SMURF1: variants seen among roughly 807,000 people sequenced by gnomAD.
SMURF1 encodes E3 ubiquitin-protein ligase SMURF1.
Under a neutral mutation model 98.0 loss-of-function variants are expected in SMURF1, and 44 were observed. The ratio of observed to expected loss-of-function variants is 0.45; its 90% CI spans 0.35 to 0.58. The LOEUF (loss-of-function observed/expected upper bound fraction) is 0.58. Ranked by LOEUF, SMURF1 falls within the 20% of genes least tolerant of loss-of-function variation. SMURF1 has a pLI of 0.00. For synonymous variants in SMURF1, 396 were observed against 374.9 expected (o/e 1.06, Z -0.65); for missense variants, 687 against 938.4 (o/e 0.73, Z 3.50).
At chr7:99,117,522 T>G (rs1436855824) in intron 1 of SMURF1, among the ~76,000 whole-genome samples, 1 of 151,790 alleles carries the variant, frequency 6.6e-6, no homozygotes, top group Non-Finnish European at 1.5e-5. Flanking sequence ...CTAATTTTTT[T>G]GTATTTTTAG....
chr7:99,117,525 A>G (rs980042302), intron 1 of SMURF1, among the ~76,000 whole-genome samples: 5 of 151,374 alleles, frequency 3.3e-5, no homozygotes, highest in Non-Finnish European at 7.4e-5. Flanking sequence ...ATTTTTTTGT[A>G]TTTTTAGTAG....
At chr7:99,094,128 A>C (rs1387222053) in intron 1 of SMURF1, among the ~76,000 whole-genome samples, 1 of 152,184 alleles carries the variant, frequency 6.6e-6, no homozygotes, top group East Asian at 1.9e-4. Context: ...ATTTTAGGGA[A>C]CCAAACCAAA....
At chr7:99,083,088 A>G (rs1796604762) in intron 1 of SMURF1, among the ~76,000 whole-genome samples, 1 of 152,130 alleles carries the variant, frequency 6.6e-6, no homozygotes, top group Non-Finnish European at 1.5e-5. Context: ...CATAACAGCT[A>G]AGGGATACAT....
intron 11 of SMURF1, 106 bp downstream of exon 11, chr7:99,045,592 C>T: frequency 1.1e-6 from 1 of 882,666 alleles, no homozygotes; most frequent in Non-Finnish European, 1.8e-6. Context: ...GAGACATCAG[C>T]CCTGCCCAGG....
chr7:99,065,710 C>T (rs1196043166), intron 1 of SMURF1, among the ~76,000 whole-genome samples: 1 of 152,200 alleles, frequency 6.6e-6, no homozygotes, highest in Non-Finnish European at 1.5e-5. Context: ...ACCTAGTCCT[C>T]TCCCAGGATC....
At chr7:99,100,604 C>T (rs564193069) in intron 1 of SMURF1, among the ~76,000 whole-genome samples, 10 of 152,168 alleles carry the variant, frequency 6.6e-5, no homozygotes, top group Non-Finnish European at 1.3e-4. Context: ...GTTCAGAATT[C>T]TCAGCCCAAC....
In SMURF1 at chr7:99,091,715, C is replaced by T. The variant is rs537731221; in HGVS notation, c.56-29878G>A. On this transcript the variant is annotated intron_variant, in intron 1 of 17. Coordinates refer to ENST00000361368, the MANE Select transcript of SMURF1 (RefSeq NM_181349.3). ...CCTAGTCTTATAATTTTTTTTTAAACGTCTTTTCATCCCAAGATTAGTCAG... is the reference window on the plus strand; with the variant it reads ...CCTAGTCTTATAATTTTTTTTTAAATGTCTTTTCATCCCAAGATTAGTCAG... 4.6e-5 allele frequency among the ~76,000 whole-genome samples: 7 copies of T among 152,162 alleles called. No individual in the cohort carries two copies. In the East Asian group the frequency reaches 9.7e-4, roughly 21 times the overall value.
rs1338700019 is a variant in SMURF1, at chr7:99,027,679, A to C, written c.*2905T>G. On this transcript the variant is annotated 3_prime_UTR_variant, in exon 18 of 18. Transcript: ENST00000361368. ...AAGGATAGCAGCAATACTTCAAAAC[A>C]AGACATTACAAAATAAATTAAAAAA... The C allele has an allele frequency of 6.6e-6, 1 of 152,620 alleles. No homozygotes were observed. Among genetic ancestry groups the C allele is most frequent in the East Asian group, 1.9e-4 (1 of 5,202 alleles). The allele number at this position is 152,620 out of a possible 1,614,324, so 9.5% of individuals were successfully genotyped here. A position where few individuals can be genotyped will look rare whatever the true frequency, so the allele number is the denominator to read the frequency against.
At chr7:99,080,840 T>C (rs1208196564) in intron 1 of SMURF1, among the ~76,000 whole-genome samples, 1 of 152,108 alleles carries the variant, frequency 6.6e-6, no homozygotes, top group Non-Finnish European at 1.5e-5. Flanking sequence ...AAAACAGAAG[T>C]CTGCACTTCC....
intron 3 of SMURF1, among the ~76,000 whole-genome samples, chr7:99,059,744 C>G (rs1795986384): frequency 6.6e-6 from 1 of 151,596 alleles, no homozygotes; most frequent in Non-Finnish European, 1.5e-5. Flanking sequence ...CCCGTCTCAA[C>G]TAAAAATACA....
intron 1 of SMURF1, among the ~76,000 whole-genome samples, chr7:99,122,417 G>A (rs752211854): frequency 6.6e-6 from 1 of 151,614 alleles, no homozygotes; most frequent in Non-Finnish European, 1.5e-5. Context: ...GCCAAGGCAG[G>A]TGGATCACCC....
intron 1 of SMURF1, among the ~76,000 whole-genome samples, chr7:99,089,695 G>C (rs1796768700): frequency 6.6e-6 from 1 of 152,156 alleles, no homozygotes; most frequent in Admixed American, 6.5e-5. Context: ...TAGTGGTTTT[G>C]TCTTCAAAAA....
At chr7:99,034,929 C>T (rs925178822) in intron 16 of SMURF1, among the ~76,000 whole-genome samples, 2 of 152,228 alleles carry the variant, frequency 1.3e-5, no homozygotes, top group African/African-American at 4.8e-5. Flanking sequence ...AGTATGGTGA[C>T]ACCCTTCACT....
chr7:99,107,799 C>T (rs918346216), intron 1 of SMURF1, among the ~76,000 whole-genome samples: 1 of 152,178 alleles, frequency 6.6e-6, no homozygotes, highest in Non-Finnish European at 1.5e-5. Context: ...TTAATGCAAC[C>T]TCACACGTGA....
chr7:99,055,965 CAAA>C (rs951056582), intron 5 of SMURF1, among the ~76,000 whole-genome samples: 2 of 147,702 alleles, frequency 1.4e-5, no homozygotes, highest in African/African-American at 2.5e-5. Flanking sequence ...GACTCCGTGT[CAAA>C]AAAAAAATGA....
chr7:99,093,613 C>CA (rs60082842), intron 1 of SMURF1, among the ~76,000 whole-genome samples: 11,398 of 142,030 alleles, frequency 0.08, 1,391 homozygotes, highest in African/African-American at 0.26. Flanking sequence ...AATTTCCATG[C>CA]AAAAAAAAAA....
At chr7:99,052,575 T>A in intron 6 of SMURF1, 129 bp from the exon 7 acceptor site, 1 of 1,019,640 alleles carries the variant, frequency 9.8e-7, no homozygotes, top group Non-Finnish European at 1.3e-6. Flanking sequence ...ACGTCCAGTG[T>A]TCCAAGGGCC....
chr7:99,090,445 C>T (rs1796783345), intron 1 of SMURF1, among the ~76,000 whole-genome samples: 2 of 152,120 alleles, frequency 1.3e-5, no homozygotes, highest in Admixed American at 1.3e-4. Flanking sequence ...CTCCCTCCCA[C>T]ATAGACCCAT....
intron 1 of SMURF1, among the ~76,000 whole-genome samples, chr7:99,138,127 T>C (rs1049427507): frequency 6.6e-6 from 1 of 152,074 alleles, no homozygotes. Flanking sequence ...AAATTGTATA[T>C]TCCTTGTTTA....
Sources: gnomAD v4.1 joint callset for allele counts (sites outside exome capture counted in the v4.1 genomes callset) on GRCh38, gnomAD v4.1.1 for gene constraint, MANE v1.5 for transcripts, NCBI Gene and HGNC (gene_info 2026-07-23, HGNC 2026-07-21) for gene names.